Variants in PIK3C3 observed in about 807,000 individuals in gnomAD.
The protein encoded by PIK3C3 is phosphatidylinositol 3-kinase catalytic subunit type 3.
A neutral mutation model predicts 126.1 loss-of-function variants in PIK3C3; 95 were observed. That is an observed-to-expected ratio of 0.75 (90% CI 0.64 to 0.89). PIK3C3 has a LOEUF of 0.89. Among genes scored for constraint, PIK3C3 ranks in the 40% least tolerant of loss-of-function variants. The pLI is 0.00. For missense variants in PIK3C3, 829 were observed against 1,063.2 expected (o/e 0.78, Z 3.06); for synonymous variants, 374 against 360.0 (o/e 1.04, Z -0.44).
In PIK3C3 at chr18:42,037,672, T is replaced by A. The variant is rs1028768920; in HGVS notation, c.1840-20T>A. ...CATTAATTCATGGCCAAATTTGAAA[T>A]CAATATTTTTATTTTCCAGAGTGCC... is the stretch of plus-strand genomic sequence containing the variant. On this transcript the variant is annotated intron_variant, in intron 16 of 24. Transcript: ENST00000262039. The A allele has an allele frequency of 6.3e-7, 1 of 1,594,744 alleles. No homozygotes were observed. Among genetic ancestry groups the A allele is most frequent in the South Asian group, 1.1e-5 (1 of 89,554 alleles).
intron 21 of PIK3C3, among the ~76,000 whole-genome samples, chr18:42,055,762 A>G (rs1189486177): frequency 6.6e-6 from 1 of 152,106 alleles, no homozygotes; most frequent in Non-Finnish European, 1.5e-5. Flanking sequence ...GAATGAATAC[A>G]GTTTTGATGT....
intron 17 of PIK3C3, among the ~76,000 whole-genome samples, 153 bp downstream of exon 17, chr18:42,037,973 G>A (rs553706182): frequency 2.7e-4 from 41 of 152,242 alleles, no homozygotes; most frequent in African/African-American, 9.9e-4. Flanking sequence ...AAAAAATTTA[G>A]TTGCTTTTAT....
At chr18:42,028,681 G>A (rs1021776122) in intron 14 of PIK3C3, among the ~76,000 whole-genome samples, 1 of 152,166 alleles carries the variant, frequency 6.6e-6, no homozygotes, top group Admixed American at 6.5e-5. Flanking sequence ...CACCCTTGAA[G>A]ACATTTCAGT....
intron 24 of PIK3C3, among the ~76,000 whole-genome samples, chr18:42,079,972 TGTGTGTGTGTGTATGTAAGAGAGAGA>T (rs1307986525): frequency 3.5e-5 from 5 of 141,074 alleles, no homozygotes; most frequent in Non-Finnish European, 7.8e-5. Flanking sequence ...TGTGTGTGTG[TGTGTGTGTGTGTATGTAAGAGAGAGA>T]GTGTGTGTGT....
chr18:42,049,436 T>TA (rs1984694415), intron 20 of PIK3C3, 95 bp from the exon 21 acceptor site: 4 of 735,962 alleles, frequency 5.4e-6, no homozygotes, highest in Non-Finnish European at 8.9e-6. Context: ...GAAAACAAAT[T>TA]GATATTAAAG....
At chr18:41,982,977 T>A in intron 4 of PIK3C3, among the ~76,000 whole-genome samples, 1 of 152,204 alleles carries the variant, frequency 6.6e-6, no homozygotes, top group East Asian at 1.9e-4. Context: ...TGGTTGGATA[T>A]TAAAAATGTT....
chr18:42,017,447 A>G lies in PIK3C3; in HGVS notation c.1416+1881A>G, dbSNP rs141543364. Among the ~76,000 whole-genome samples the G allele has an allele frequency of 2.2e-3, 338 of 152,240 alleles. 1 individual carries two copies. The highest frequency in any genetic ancestry group is 7.5e-3 in the African/African-American group (312 of 41,568). ...TTTCCCAGCTGTTGGGTATAGCATT[A>G]TACATAAGTTACTAGAGCAAGCTTA... On this transcript the variant is annotated intron_variant, in intron 12 of 24. Transcript: ENST00000262039.
intron 4 of PIK3C3, among the ~76,000 whole-genome samples, chr18:41,972,212 T>C (rs1179660415): frequency 6.6e-6 from 1 of 152,054 alleles, no homozygotes; most frequent in Non-Finnish European, 1.5e-5. Context: ...CCTTCATGCT[T>C]GTTCATATTT....
intron 12 of PIK3C3, among the ~76,000 whole-genome samples, chr18:42,020,034 A>G (rs1567986366): frequency 6.6e-6 from 1 of 152,078 alleles, no homozygotes; most frequent in Non-Finnish European, 1.5e-5. Context: ...CCGTAATAGC[A>G]TCTTAACTGA....
chr18:42,066,829 T>C (rs772584827), intron 23 of PIK3C3, among the ~76,000 whole-genome samples: 6 of 152,134 alleles, frequency 3.9e-5, no homozygotes, highest in Non-Finnish European at 8.8e-5. Context: ...GACCTATTGA[T>C]GTAGTTTTGT....
chr18:41,968,048 T>C (rs1980461243), intron 3 of PIK3C3, among the ~76,000 whole-genome samples: 1 of 152,246 alleles, frequency 6.6e-6, no homozygotes, highest in Non-Finnish European at 1.5e-5. Flanking sequence ...GAAAGTAATA[T>C]GTTCACTTGC....
chr18:41,957,832 T>G, intron 2 of PIK3C3, 74 bp downstream of exon 2: 3 of 1,160,370 alleles, frequency 2.6e-6, no homozygotes, highest in Non-Finnish European at 3.7e-6. Flanking sequence ...AAGTATAATT[T>G]AGTAGGATTA....
At chr18:42,037,939 C>A in intron 17 of PIK3C3, 119 bp downstream of exon 17, 1 of 897,950 alleles carries the variant, frequency 1.1e-6, no homozygotes, top group African/African-American at 1.6e-5. Context: ...TCCTAGAAAG[C>A]TCAACAGTCT....
intron 24 of PIK3C3, among the ~76,000 whole-genome samples, chr18:42,073,365 A>C (rs1985856274): frequency 6.6e-6 from 1 of 152,248 alleles, no homozygotes; most frequent in East Asian, 1.9e-4. Context: ...GGTGGATTTC[A>C]AAACAAAAGA....
At chr18:41,978,031 A>G (rs941528489) in intron 4 of PIK3C3, among the ~76,000 whole-genome samples, 8 of 152,152 alleles carry the variant, frequency 5.3e-5, no homozygotes, top group African/African-American at 1.4e-4. Flanking sequence ...GCACACTCAC[A>G]GCTCACTGCA....
chr18:41,991,980 T>C (rs923732728), intron 6 of PIK3C3, among the ~76,000 whole-genome samples: 1 of 152,214 alleles, frequency 6.6e-6, no homozygotes, highest in African/African-American at 2.4e-5. Flanking sequence ...ATAGAGTTTG[T>C]ATTGCAAAAA....
chr18:42,046,913 A>G (rs993865246), intron 20 of PIK3C3, among the ~76,000 whole-genome samples: 3 of 152,150 alleles, frequency 2.0e-5, no homozygotes, highest in Admixed American at 6.5e-5. Context: ...TGACCATCCA[A>G]CGTATTTATG....
Position 42,084,100 on chromosome 18 carries a change from C to G in PIK3C3, c.*2963C>G, listed in dbSNP as rs1169737240. On this transcript the variant is annotated 3_prime_UTR_variant, in exon 25 of 25. Coordinates refer to ENST00000262039, the MANE Select transcript of PIK3C3 (RefSeq NM_002647.4). ...CATCATGCCACATATTCATACTTTCCTTGGGTTGGAAAATAGATCATTCAG... is the reference window on the plus strand; with the variant it reads ...CATCATGCCACATATTCATACTTTCGTTGGGTTGGAAAATAGATCATTCAG... The G allele has an allele frequency of 6.6e-6, 1 of 152,100 alleles. No individual in the cohort carries two copies. The highest frequency in any genetic ancestry group is 1.5e-5 in the Non-Finnish European group (1 of 68,020). 9.4% of individuals were successfully genotyped at this position (152,100 alleles called of 1,614,324 possible).
intron 5 of PIK3C3, among the ~76,000 whole-genome samples, chr18:41,989,155 T>C (rs1403358000): frequency 6.6e-6 from 1 of 152,094 alleles, no homozygotes; most frequent in African/African-American, 2.4e-5. Context: ...ACTGGTATGC[T>C]TAGTGCAGCC....
Sources: gnomAD v4.1 joint callset for allele counts (sites outside exome capture counted in the v4.1 genomes callset) on GRCh38, gnomAD v4.1.1 for gene constraint, MANE v1.5 for transcripts, NCBI Gene and HGNC (gene_info 2026-07-23, HGNC 2026-07-21) for gene names.